The following RPS6KA6 variants were observed in gnomAD, a reference collection of about 807,000 sequenced individuals.
The protein encoded by RPS6KA6 is ribosomal protein S6 kinase A6, also known as ribosomal protein S6 kinase alpha-6.
A neutral mutation model predicts 65.4 loss-of-function variants in RPS6KA6; 27 were observed. The ratio of observed to expected loss-of-function variants is 0.41; its 90% CI spans 0.30 to 0.57. The LOEUF (loss-of-function observed/expected upper bound fraction) is 0.57, where lower values mean the gene tolerates loss of function less well. RPS6KA6 is among the 20% of genes least tolerant of loss of function. The probability of loss-of-function intolerance (pLI) is 0.24; values close to 1 mark genes in which losing one functional copy is unlikely to be tolerated. For missense variants in RPS6KA6, 486 were observed against 555.6 expected, an observed-to-expected ratio of 0.87 and a Z score of 1.26; for synonymous variants, 190 against 184.2, an observed-to-expected ratio of 1.03 and a Z score of -0.26.
intron 6 of RPS6KA6, among the ~76,000 whole-genome samples, chrX:84,142,111 C>T (rs1416627933): frequency 9.0e-6 from 1 of 111,125 alleles, no homozygotes; most frequent in Non-Finnish European, 1.9e-5. Flanking sequence ...CCAAGATACA[C>T]GACATTCTGA....
At chrX:84,150,634 C>T (rs1692828111) in intron 3 of RPS6KA6, among the ~76,000 whole-genome samples, 1 of 108,854 alleles carries the variant, frequency 9.2e-6, no homozygotes, top group Non-Finnish European at 1.9e-5. Flanking sequence ...ATCAATGAAG[C>T]TCACTGTCTT....
chrX:84,124,806 A>G (rs1381921295), intron 8 of RPS6KA6, among the ~76,000 whole-genome samples: 2 of 111,678 alleles, frequency 1.8e-5, no homozygotes, highest in African/African-American at 6.5e-5. Flanking sequence ...CAAGTGCAAG[A>G]AAGTTATAGA....
At chrX:84,165,879 A>G (rs1054253776) in intron 1 of RPS6KA6, among the ~76,000 whole-genome samples, 2 of 111,863 alleles carry the variant, frequency 1.8e-5, no homozygotes, top group Non-Finnish European at 3.8e-5. Context: ...AGAGAAACTC[A>G]TATTTGTGGC....
At chrX:84,089,184 G>A (rs2033991911) in intron 20 of RPS6KA6, among the ~76,000 whole-genome samples, 2 of 112,287 alleles carry the variant, frequency 1.8e-5, no homozygotes, top group African/African-American at 3.2e-5. Flanking sequence ...CAGCTGCTGT[G>A]CTGCTTCATC....
chrX:84,082,868 T>C (rs879021150), intron 20 of RPS6KA6, among the ~76,000 whole-genome samples: 3 of 111,426 alleles, frequency 2.7e-5, no homozygotes, highest in Admixed American at 9.6e-5. Flanking sequence ...ATTTAATAAA[T>C]GGCATTAAAA....
intron 20 of RPS6KA6, among the ~76,000 whole-genome samples, chrX:84,078,281 A>AT (rs1313066648): frequency 1.8e-5 from 2 of 112,124 alleles, no homozygotes; most frequent in East Asian, 2.8e-4. Flanking sequence ...AAAATAGCTA[A>AT]TTTTTTTAAA....
intron 17 of RPS6KA6, 43 bp from the exon 18 acceptor site, chrX:84,102,241 T>A: frequency 3.0e-6 from 2 of 657,200 alleles, no homozygotes; most frequent in Non-Finnish European, 4.2e-6. Flanking sequence ...TATAATTAAC[T>A]AAATATCTGA....
In RPS6KA6 at chrX:84,060,682, A is replaced by T. The variant is rs980373211; in HGVS notation, c.*3595T>A. On this transcript the variant is annotated 3_prime_UTR_variant, in exon 22 of 22. Transcript: ENST00000262752. ...AAGGTAGATTGAGAAGTAGAAAGGA[A>T]GTAGGAAGGAAATTGTGCAAAAAAA... 9.0e-6 allele frequency: 1 copy of T among 111,220 alleles called. No individual in the cohort carries two copies. The highest frequency in any genetic ancestry group is 1.9e-5 in the Non-Finnish European group (1 of 52,960). 9.2% of individuals were successfully genotyped at this position (111,220 alleles called of 1,213,427 possible). A position where few individuals can be genotyped will look rare whatever the true frequency, so the allele number is the denominator to read the frequency against.
intron 20 of RPS6KA6, among the ~76,000 whole-genome samples, chrX:84,077,296 C>CA (rs1477512772): frequency 1.8e-5 from 2 of 110,391 alleles, no homozygotes; most frequent in Non-Finnish European, 3.8e-5. Context: ...AAAACAACAA[C>CA]AAAAAAACTC....
At chrX:84,127,777 TAA>T (rs376097643) in intron 8 of RPS6KA6, among the ~76,000 whole-genome samples, 2 of 99,597 alleles carry the variant, frequency 2.0e-5, no homozygotes, top group African/African-American at 7.3e-5. Flanking sequence ...CTCTTCATGA[TAA>T]AAAAAAAAAC....
chrX:84,105,721 A>G, intron 16 of RPS6KA6, 66 bp downstream of exon 16: 1 of 638,948 alleles, frequency 1.6e-6, no homozygotes, highest in Non-Finnish European at 2.4e-6. Context: ...AGTTTCAATA[A>G]GAAAAATAAA....
At chrX:84,170,986 C>A (rs2035674345) in intron 1 of RPS6KA6, among the ~76,000 whole-genome samples, 1 of 111,509 alleles carries the variant, frequency 9.0e-6, no homozygotes, top group Non-Finnish European at 1.9e-5. Flanking sequence ...CTGTGGCCAT[C>A]CTCTAGGAAC....
chrX:84,081,183 G>A (rs984426487), intron 20 of RPS6KA6, among the ~76,000 whole-genome samples: 2 of 111,683 alleles, frequency 1.8e-5, no homozygotes, highest in African/African-American at 6.5e-5. Context: ...GAATCCAGGA[G>A]CTGGTTTTTT....
intron 16 of RPS6KA6, 26 bp from the exon 17 acceptor site, chrX:84,104,683 GTTA>G: frequency 1.1e-6 from 1 of 934,131 alleles, no homozygotes; most frequent in Non-Finnish European, 1.4e-6. Flanking sequence ...GTTTTAAAAT[GTTA>G]TTATTTATAA....
At chrX:84,105,613 T>G (rs2034343128) in intron 16 of RPS6KA6, among the ~76,000 whole-genome samples, 174 bp downstream of exon 16, 1 of 108,954 alleles carries the variant, frequency 9.2e-6, no homozygotes, top group African/African-American at 3.3e-5. Flanking sequence ...TCTATAAGAC[T>G]AGAAGTATAG....
intron 1 of RPS6KA6, among the ~76,000 whole-genome samples, chrX:84,179,131 T>C (rs974679789): frequency 2.2e-4 from 25 of 111,460 alleles, no homozygotes; most frequent in Admixed American, 2.2e-3. Context: ...TCAGAGAATA[T>C]ATACGGATGG....
chrX:84,166,572 A>T (rs1450062845), intron 1 of RPS6KA6, among the ~76,000 whole-genome samples: 2 of 111,834 alleles, frequency 1.8e-5, no homozygotes, highest in Non-Finnish European at 3.8e-5. Context: ...GATGAAAAAT[A>T]AACAGAGCCT....
At chrX:84,094,827 A>C (rs910953700) in intron 20 of RPS6KA6, among the ~76,000 whole-genome samples, 8 of 111,621 alleles carry the variant, frequency 7.2e-5, no homozygotes, top group Non-Finnish European at 1.5e-4. Context: ...GGAACACAGG[A>C]GATTCATATG....
At chrX:84,147,363 G>T in intron 4 of RPS6KA6, among the ~76,000 whole-genome samples, 1 of 111,536 alleles carries the variant, frequency 9.0e-6, no homozygotes, top group Non-Finnish European at 1.9e-5. Flanking sequence ...CTGGACTGCA[G>T]CGGCACAATC....
Sources: gnomAD v4.1 joint callset for allele counts (sites outside exome capture counted in the v4.1 genomes callset) on GRCh38, gnomAD v4.1.1 for gene constraint, MANE v1.5 for transcripts, NCBI Gene and HGNC (gene_info 2026-07-23, HGNC 2026-07-21) for gene names.